Variants in COL1A2 observed in about 807,000 individuals in gnomAD.
The protein encoded by COL1A2 is collagen alpha-2(I) chain.
A neutral mutation model predicts 174.3 loss-of-function variants in COL1A2; 49 were observed. That is an observed-to-expected ratio of 0.28 (90% confidence interval 0.22 to 0.36). The LOEUF (loss-of-function observed/expected upper bound fraction) is 0.36, where lower values mean the gene tolerates loss of function less well. Ranked by LOEUF, COL1A2 falls within the 10% of genes least tolerant of loss-of-function variation. The pLI is 1.00. For synonymous variants in COL1A2, 655 were observed against 606.6 expected (o/e 1.08, Z -1.17); for missense variants, 1,438 against 1,822.7 (o/e 0.79, Z 3.84).
intron 26 of COL1A2, 92 bp from the exon 27 acceptor site, chr7:94,413,598 C>A: frequency 8.0e-7 from 1 of 1,247,822 alleles, no homozygotes; most frequent in South Asian, 1.2e-5. Context: ...AAATGACAAA[C>A]TTGTTTTAAG....
At position 94,410,531 on chromosome 7, in the gene COL1A2, G is replaced by A. The variant is rs368869745; in HGVS notation, c.1197+4G>A. 4 of 1,547,068 alleles carry A rather than the reference G, an allele frequency of 2.6e-6. No individual in the cohort carries two copies. In the African/African-American group the frequency reaches 4.1e-5, roughly 16 times the overall value. The stretch of plus-strand genomic sequence containing the variant: ...TCCAGGACCTCCTGGGCTGAGAGTA[G>A]GTTTCAAATGCTCCCAACACCCTAA... On this transcript the variant is annotated splice_donor_region_variant and intron_variant, in intron 21 of 51. Coordinates refer to ENST00000297268, the MANE Select transcript of COL1A2 (RefSeq NM_000089.4).
At chr7:94,410,117 G>C (rs955275709) in intron 19 of COL1A2, 125 bp from the exon 20 acceptor site, 2 of 951,954 alleles carry the variant, frequency 2.1e-6, no homozygotes, top group Non-Finnish European at 3.3e-6. Flanking sequence ...AATATGAACA[G>C]GGTACATTTC....
Position 94,398,427 on chromosome 7 carries a change from T to A in COL1A2, c.96+31T>A, listed in dbSNP as rs749413859. 1.6e-5 allele frequency: 14 copies of A among 886,364 alleles called. No individual in the cohort carries two copies. In the African/African-American group the frequency reaches 2.3e-4, roughly 15 times the overall value. The allele number at this position is 886,364 out of a possible 1,614,324, so 54.9% of individuals were successfully genotyped here. On this transcript the variant is annotated intron_variant, in intron 3 of 51. Coordinates refer to ENST00000297268, the MANE Select transcript of COL1A2 (RefSeq NM_000089.4). ...AGTACACTACTTCTCCATAAATATC[T>A]AAAATTATCAGGGATAACATAATTT...
In COL1A2 at chr7:94,423,187, T is replaced by C. The variant is rs796524357; in HGVS notation, c.2565+69T>C. The C allele has an allele frequency of 7.7e-6, 12 of 1,564,956 alleles. No homozygotes were observed. The African/African-American group carries it at 1.5e-4, about 19-fold the overall frequency. The stretch of plus-strand genomic sequence containing the variant: ...TTAAAATAAAGCCCCTACACAAATC[T>C]TCAAGTGGCATCTATTTGTTGATGA... On this transcript the variant is annotated intron_variant, in intron 40 of 51. Coordinates refer to ENST00000297268, the MANE Select transcript of COL1A2 (RefSeq NM_000089.4).
intron 6 of COL1A2, among the ~76,000 whole-genome samples, chr7:94,402,702 A>G (rs1791711934): frequency 6.6e-6 from 1 of 152,152 alleles, no homozygotes; most frequent in South Asian, 2.1e-4. Context: ...ATACACACAC[A>G]CGCAATTTAG....
intron 46 of COL1A2, 162 bp downstream of exon 46, chr7:94,426,692 A>G: frequency 2.8e-6 from 2 of 721,424 alleles, no homozygotes; most frequent in Non-Finnish European, 5.0e-6. Context: ...ATGCTATTTC[A>G]TACCAACATG....
At position 94,427,438 on chromosome 7, in the gene COL1A2, T is replaced by C. The variant is rs1010452469; in HGVS notation, c.3267+143T>C. 9.6e-6 allele frequency: 10 copies of C among 1,038,356 alleles called. No individual in the cohort carries two copies. The African/African-American group carries it at 1.6e-4, about 16-fold the overall frequency. 64.3% of individuals were successfully genotyped at this position (1,038,356 alleles called of 1,614,324 possible). On this transcript the variant is annotated intron_variant, in intron 48 of 51. Coordinates refer to ENST00000297268, the MANE Select transcript of COL1A2 (RefSeq NM_000089.4). Reference sequence around the variant, plus strand: ...CTAAAATATCTGGAAATTGTCTATATGCAATGGGCTTGTTAAGTCCATCCC... The same window carrying C: ...CTAAAATATCTGGAAATTGTCTATACGCAATGGGCTTGTTAAGTCCATCCC...
intron 13 of COL1A2, 23 bp from the exon 14 acceptor site, chr7:94,408,160 A>G: frequency 6.2e-7 from 1 of 1,612,826 alleles, no homozygotes; most frequent in East Asian, 2.2e-5. Context: ...TCTGGATTTT[A>G]TTGAAAATAT....
chr7:94,404,827 C>T lies in COL1A2; in HGVS notation c.379-12C>T. The T allele has an allele frequency of 1.9e-6, 3 of 1,614,046 alleles. No individual in the cohort carries two copies. Among genetic ancestry groups the T allele is most frequent in the Non-Finnish European group, 2.5e-6 (3 of 1,179,996 alleles). On this transcript the variant is annotated splice_polypyrimidine_tract_variant and intron_variant, in intron 8 of 51. Transcript: ENST00000297268. ...TAACCTTAGTGAAATGATGGGTCTC[C>T]CATTTTCTTAGGGTCCTGCAGGTGC... is the stretch of plus-strand genomic sequence containing the variant.
chr7:94,419,107 A>G (rs1443249554), intron 33 of COL1A2, among the ~76,000 whole-genome samples: 1 of 148,024 alleles, frequency 6.8e-6, no homozygotes, highest in Admixed American at 6.9e-5. Flanking sequence ...TCCTTTATTC[A>G]CCTCTCCTTC....
chr7:94,406,926 C>T (rs1194769243), intron 12 of COL1A2, among the ~76,000 whole-genome samples: 1 of 152,206 alleles, frequency 6.6e-6, no homozygotes, highest in Non-Finnish European at 1.5e-5. Flanking sequence ...ACTAGCGGGA[C>T]CAGAAATGAA....
At chr7:94,404,462 A>C in intron 6 of COL1A2, 94 bp from the exon 7 acceptor site, 1 of 1,321,496 alleles carries the variant, frequency 7.6e-7, no homozygotes, top group Non-Finnish European at 1.1e-6. Flanking sequence ...ATCAAACCAC[A>C]ACAATGGCAC....
Position 94,427,647 on chromosome 7 carries a change from C to G in COL1A2, c.3288C>G (p.Gly1096=). 1 of 1,614,160 alleles carries G rather than the reference C, an allele frequency of 6.2e-7. No individual in the cohort carries two copies. Among genetic ancestry groups the G allele is most frequent in the Non-Finnish European group, 8.5e-7 (1 of 1,180,026 alleles). The part of the protein sequence containing the change: ...QGPAGPPGPP[G]PPGPPGVSGG... The stretch of plus-strand genomic sequence containing the variant: ...TGCAGGGCCCCCCTGGTCCCCCTGG[C>G]CCTCCTGGACCTCCAGGTGTAAGCG... The change falls in exon 49 of 52, where the codon GGC becomes GGG. Residue 1096 remains glycine (G), a synonymous_variant. Coordinates refer to ENST00000297268, the MANE Select transcript of COL1A2 (RefSeq NM_000089.4).
chr7:94,422,938 CT>C lies in COL1A2; in HGVS notation c.2404-17del, dbSNP rs769478947. 6 of 1,613,934 alleles carry C rather than the reference CT, an allele frequency of 3.7e-6. No individual in the cohort carries two copies. Among genetic ancestry groups the C allele is most frequent in the Non-Finnish European group, 5.1e-6 (6 of 1,179,992 alleles). ...TGGTGATTAACAGAAAGGAAATGAC[CT>C]TGTACATTTGCTCATAGGGTATTTC... On this transcript the variant is annotated intron_variant, in intron 39 of 51. Transcript: ENST00000297268.
At position 94,415,371 on chromosome 7, in the gene COL1A2, T is replaced by C. The variant is rs149354316; in HGVS notation, c.1764+101T>C. ...CACTGATGACCCTGCAACAAGTCTC[T>C]GATGCTCTTCTATAGTCAAATGTAA... On this transcript the variant is annotated intron_variant, in intron 30 of 51. Coordinates refer to ENST00000297268, the MANE Select transcript of COL1A2 (RefSeq NM_000089.4). 1.2e-3 allele frequency: 1,236 copies of C among 989,630 alleles called. 14 individuals are homozygous for C. In the African/African-American group the frequency reaches 0.018, roughly 14 times the overall value. The allele number at this position is 989,630 out of a possible 1,614,324, so 61.3% of individuals were successfully genotyped here.
intron 26 of COL1A2, 143 bp downstream of exon 26, chr7:94,413,279 T>C (rs1791969847): frequency 1.2e-6 from 1 of 866,042 alleles, no homozygotes; most frequent in South Asian, 1.4e-5. Flanking sequence ...ATAAAATGCC[T>C]TTTTAAAAAC....
chr7:94,429,085 C>T (rs1003521272), intron 50 of COL1A2, 103 bp from the exon 51 acceptor site: 6 of 957,596 alleles, frequency 6.3e-6, no homozygotes, highest in Non-Finnish European at 9.3e-6. Context: ...TCTGAGTCTA[C>T]TCTTCCTGAG....
chr7:94,409,605 T>A lies in COL1A2; in HGVS notation c.933T>A (p.Ala311=), dbSNP rs771698061. ...ACGGCCTTACTGGTGCCAAGGGTGC[T>A]GCTGTGAGTATACCTGCGTAGCTAA... is the stretch of plus-strand genomic sequence containing the variant. The part of the protein sequence containing the change: ...GANGLTGAKG[A]AGLPGVAGAP... The change falls in exon 18 of 52, where the codon GCT becomes GCA. Residue 311 remains alanine, a synonymous_variant. Transcript: ENST00000297268. The A allele has an allele frequency of 6.2e-7, 1 of 1,614,194 alleles. No homozygotes were observed. The highest frequency in any genetic ancestry group is 2.2e-5 in the East Asian group (1 of 44,876).
chr7:94,407,337 A>G (rs1387207113), intron 12 of COL1A2, among the ~76,000 whole-genome samples: 4 of 74,416 alleles, frequency 5.4e-5, no homozygotes, highest in Non-Finnish European at 1.1e-4. Flanking sequence ...CCATAGTATT[A>G]AATCCCACTA....
Sources: allele counts gnomAD v4.1 joint callset (sites outside exome capture counted in the v4.1 genomes callset), GRCh38; gene constraint gnomAD v4.1.1; transcripts MANE v1.5; gene names NCBI Gene and HGNC (gene_info 2026-07-23, HGNC 2026-07-21).